The following TTC13 variants were observed in gnomAD, a reference collection of about 807,000 sequenced individuals.
The protein encoded by TTC13 is tetratricopeptide repeat protein 13.
In TTC13, 62 loss-of-function variants were observed where a neutral mutation model predicts 120.0. The ratio of observed to expected loss-of-function variants is 0.52; its 90% CI spans 0.42 to 0.64. The LOEUF (loss-of-function observed/expected upper bound fraction) is 0.64, where lower values mean the gene tolerates loss of function less well. Among genes scored for constraint, TTC13 ranks in the 30% least tolerant of loss-of-function variants. TTC13 has a pLI of 0.00. For missense variants in TTC13, 824 were observed against 1,050.2 expected, an observed-to-expected ratio of 0.78 and a Z score of 2.98; for synonymous variants, 384 against 393.5, an observed-to-expected ratio of 0.98 and a Z score of 0.28.
chr1:230,942,893 C>G lies in TTC13; in HGVS notation c.672+913G>C, dbSNP rs1251964007. Among the ~76,000 whole-genome samples, 1 of 152,216 alleles carries G rather than the reference C, an allele frequency of 6.6e-6. No homozygotes were observed. The highest frequency in any genetic ancestry group is 2.4e-5 in the African/African-American group (1 of 41,434). On this transcript the variant is annotated intron_variant, in intron 6 of 22. Transcript: ENST00000366661. This position sits in a 1 kb window ranked among gnomAD's most constrained non-coding sequence, Gnocchi z 4.0. ...TTCTTCTCTTCCCAAAGAAGCGCCT[C>G]CTCTGTCTACTTGAGCCAGTATTAC...
chr1:230,974,026 G>A (rs1057500359), intron 1 of TTC13, among the ~76,000 whole-genome samples: 2 of 149,962 alleles, frequency 1.3e-5, no homozygotes, highest in African/African-American at 4.9e-5. Flanking sequence ...GCAGTGAGCC[G>A]AGATCACGCC....
Position 230,916,222 on chromosome 1 carries a change from A to T in TTC13, c.2064T>A (p.Asp688Glu), listed in dbSNP as rs1377321734. ...PSLKDQGKEYDGFTITITGDK... is the reference protein window; with the variant it reads ...PSLKDQGKEYEGFTITITGDK... ...CTCCTGTAATCGTGATTGTGAATCC[A>T]TCATATTCCTTCCCTTGGTCTTTAA... The change falls in exon 18 of 23, where the codon GAT becomes GAA. Residue 688 changes from aspartate to glutamate, a missense_variant. Asp to Glu is a conservative substitution (Grantham distance 45, BLOSUM62 2). Coordinates refer to ENST00000366661, the MANE Select transcript of TTC13 (RefSeq NM_024525.5). 21 of 1,614,044 alleles carry T rather than the reference A, an allele frequency of 1.3e-5. No homozygotes were observed. The East Asian group carries it at 4.7e-4, about 36-fold the overall frequency.
chr1:230,943,034 C>T (rs2102885890), intron 6 of TTC13, among the ~76,000 whole-genome samples: 1 of 152,290 alleles, frequency 6.6e-6, no homozygotes, highest in Non-Finnish European at 1.5e-5. Context: ...ATAAGAATTA[C>T]ATTTAAGTGC....
At chr1:230,968,063 G>A (rs1183865008) in intron 1 of TTC13, among the ~76,000 whole-genome samples, 3 of 151,924 alleles carry the variant, frequency 2.0e-5, no homozygotes, top group East Asian at 1.9e-4. Context: ...GGAGCTCTGC[G>A]CATGCCTCTC....
chr1:230,976,342 C>A (rs1288379686), intron 1 of TTC13, among the ~76,000 whole-genome samples: 3 of 152,192 alleles, frequency 2.0e-5, no homozygotes, highest in African/African-American at 7.2e-5. Flanking sequence ...CGAATTCATC[C>A]CCACATCCTA....
intron 8 of TTC13, among the ~76,000 whole-genome samples, chr1:230,937,793 C>A (rs1558192601): frequency 6.6e-6 from 1 of 152,146 alleles, no homozygotes; most frequent in African/African-American, 2.4e-5. Flanking sequence ...GTACTTTTCA[C>A]ATAGAGTATT....
At chr1:230,916,469 C>T (rs1318972425) in intron 17 of TTC13, among the ~76,000 whole-genome samples, 167 bp from the exon 18 acceptor site, 2 of 152,150 alleles carry the variant, frequency 1.3e-5, no homozygotes, top group African/African-American at 4.8e-5. Flanking sequence ...TGCCTGTCTT[C>T]AGGCCCCAAC....
At chr1:230,960,548 C>T (rs977599267) in intron 2 of TTC13, among the ~76,000 whole-genome samples, 3 of 149,602 alleles carry the variant, frequency 2.0e-5, no homozygotes, top group African/African-American at 7.4e-5. Context: ...TTCAGTAGTT[C>T]TCACATGAAA....
intron 1 of TTC13, among the ~76,000 whole-genome samples, chr1:230,963,700 C>A (rs1355593442): frequency 6.6e-6 from 1 of 151,052 alleles, no homozygotes; most frequent in African/African-American, 2.4e-5. Context: ...TGGATTTAGA[C>A]TGGGGCAGAG....
intron 4 of TTC13, 58 bp downstream of exon 4, chr1:230,954,275 G>T: frequency 1.7e-6 from 2 of 1,206,188 alleles, no homozygotes; most frequent in Non-Finnish European, 2.4e-6. Flanking sequence ...CTGTTCATTA[G>T]TCCATATTTT....
At chr1:230,916,326 C>A (rs776481232) in intron 17 of TTC13, 24 bp from the exon 18 acceptor site, 1 of 1,533,332 alleles carries the variant, frequency 6.5e-7, no homozygotes. Flanking sequence ...AGAAAATTCA[C>A]GTTACTAGTG....
intron 17 of TTC13, among the ~76,000 whole-genome samples, chr1:230,918,789 T>A (rs1171113853): frequency 6.6e-6 from 1 of 152,226 alleles, no homozygotes; most frequent in African/African-American, 2.4e-5. Context: ...GCTCTGTTCA[T>A]GACATGCTAC....
At chr1:230,909,213 A>G (rs1405029464) in intron 20 of TTC13, among the ~76,000 whole-genome samples, 193 bp from the exon 21 acceptor site, 2 of 152,238 alleles carry the variant, frequency 1.3e-5, no homozygotes, top group East Asian at 3.8e-4. Flanking sequence ...CTATTAGAAT[A>G]TATTTACTGG....
In TTC13 at chr1:230,920,529, T is replaced by TCTTCTTTGTGTAC. The variant is rs1402432823; in HGVS notation, c.1963_1964insGTACACAAAGAAG (p.Asp655GlyfsTer14). The TCTTCTTTGTGTAC allele has an allele frequency of 1.2e-6, 2 of 1,611,988 alleles. No individual in the cohort carries two copies. Among genetic ancestry groups the TCTTCTTTGTGTAC allele is most frequent in the Non-Finnish European group, 1.7e-6 (2 of 1,179,182 alleles). On this transcript the variant is annotated frameshift_variant, in exon 17 of 23. Coordinates refer to ENST00000366661, the MANE Select transcript of TTC13 (RefSeq NM_024525.5). LOFTEE classifies it high-confidence loss of function. ...AGTTACCTTCATAATCGGAAGAAGG[T>TCTTCTTTGTGTAC]CTTCTACTTTGTGTACCTTTTCCAG... is the stretch of plus-strand genomic sequence containing the variant.
chr1:230,962,748 T>C (rs1676760017), intron 1 of TTC13, among the ~76,000 whole-genome samples: 1 of 152,178 alleles, frequency 6.6e-6, no homozygotes, highest in African/African-American at 2.4e-5. Flanking sequence ...TAGAATACTA[T>C]TCGACCATAA....
At chr1:230,924,764 G>T (rs1036407061) in intron 14 of TTC13, 77 bp downstream of exon 14, 19 of 1,547,810 alleles carry the variant, frequency 1.2e-5, no homozygotes, top group Non-Finnish European at 1.3e-5. Context: ...AGGGTTCATA[G>T]CCTGTTAGCT....
At chr1:230,910,636 C>T (rs988350399) in intron 20 of TTC13, among the ~76,000 whole-genome samples, 5 of 152,250 alleles carry the variant, frequency 3.3e-5, no homozygotes, top group East Asian at 1.9e-4. Context: ...GGACAAAGGA[C>T]GGATGCTGGC....
chr1:230,931,919 C>T lies in TTC13; in HGVS notation c.984-42G>A, dbSNP rs9432267. ...AGTTATGAATACAGTATAGATATTA[C>T]GGGAAACATACAGAATAAGCTATCC... On this transcript the variant is annotated intron_variant, in intron 9 of 22. Transcript: ENST00000366661. The T allele has an allele frequency of 7.7e-4, 1,215 of 1,580,140 alleles. 10 individuals carry two copies. In the African/African-American group the frequency reaches 0.012, roughly 16 times the overall value.
rs1367899655 is a variant in TTC13 at position 230,958,241 on chromosome 1, C to T, written c.425G>A (p.Ser142Asn). Residue 142 changes from serine (S) to asparagine (N), a missense_variant, in exon 3 of 23, where the codon AGC becomes AAC. Ser to Asn is a conservative substitution (Grantham distance 46, BLOSUM62 1). Coordinates refer to ENST00000366661, the MANE Select transcript of TTC13 (RefSeq NM_024525.5). The part of the protein sequence containing the change: ...KRFPFATDND[S>N]TNEELAIAYV... Reference sequence around the variant, plus strand: ...AGTCTTACCTAACTCTTCATTTGTGCTGTCATTATCAGTGGCAAACGGGAA... The same window carrying T: ...AGTCTTACCTAACTCTTCATTTGTGTTGTCATTATCAGTGGCAAACGGGAA... The T allele has an allele frequency of 6.2e-7, 1 of 1,611,952 alleles. No individual in the cohort carries two copies. Among genetic ancestry groups the T allele is most frequent in the East Asian group, 2.2e-5 (1 of 44,806 alleles).
Sources: allele counts gnomAD v4.1 joint callset (sites outside exome capture counted in the v4.1 genomes callset), GRCh38; gene constraint gnomAD v4.1.1; non-coding constraint Gnocchi (gnomAD v3.1); transcripts MANE v1.5; gene names NCBI Gene and HGNC (gene_info 2026-07-23, HGNC 2026-07-21).